The following VIT variants were observed in gnomAD, a reference collection of about 807,000 sequenced individuals.
VIT encodes the protein vitrin.
In VIT, 99 loss-of-function variants were observed where a neutral mutation model predicts 78.0. The observed-to-expected ratio is 1.27, with a 90% CI of 1.08 to 1.50. VIT has a LOEUF of 1.50. Ranked by LOEUF, VIT falls within the 40% of genes most tolerant of loss-of-function variation. VIT has a pLI of 0.00. For missense variants in VIT, 1,126 were observed against 875.3 expected, an observed-to-expected ratio of 1.29 and a Z score of -3.61; for synonymous variants, 374 against 334.3, an observed-to-expected ratio of 1.12 and a Z score of -1.29.
chr2:36,774,880 G>T, intron 8 of VIT, 122 bp from the exon 9 acceptor site: 1 of 1,504,068 alleles, frequency 6.6e-7, no homozygotes, highest in Non-Finnish European at 8.9e-7. Context: ...ACCAGGCACA[G>T]AGAGCTCGGC....
At chr2:36,774,338 G>C (rs1165221661) in intron 8 of VIT, among the ~76,000 whole-genome samples, 2 of 152,132 alleles carry the variant, frequency 1.3e-5, no homozygotes, top group East Asian at 3.8e-4. Flanking sequence ...GTATGGTTTG[G>C]CCGAAGAACT....
Position 36,696,951 on chromosome 2 carries a change from A to C in VIT, c.-41A>C, listed in dbSNP as rs1664717865. ...CTGTGTGGTGAAAATTTTTTGAAAAAAAAATTGCCTTCTTCAAACAAGGTA... is the reference window on the plus strand; with the variant it reads ...CTGTGTGGTGAAAATTTTTTGAAAACAAAATTGCCTTCTTCAAACAAGGTA... On this transcript the variant is annotated 5_prime_UTR_variant, in exon 1 of 16. Transcript: ENST00000379242. The C allele has an allele frequency of 6.6e-6, 1 of 152,188 alleles. No individual in the cohort carries two copies. The highest frequency in any genetic ancestry group is 2.4e-5 in the African/African-American group (1 of 41,436). 9.4% of individuals were successfully genotyped at this position (152,188 alleles called of 1,614,324 possible). A position where few individuals can be genotyped will look rare whatever the true frequency, so the allele number is the denominator to read the frequency against.
At chr2:36,774,458 C>A (rs1462536737) in intron 8 of VIT, 1 of 977,962 alleles carries the variant, frequency 1.0e-6, no homozygotes, top group Middle Eastern at 5.3e-4. Flanking sequence ...ACAGCCCGGT[C>A]TATGAGCTGA....
Position 36,755,032 on chromosome 2 carries a change from G to A in VIT, c.387G>A (p.Trp129Ter), listed in dbSNP as rs1420028148. 2 of 1,614,018 alleles carry A rather than the reference G, an allele frequency of 1.2e-6. No individual in the cohort carries two copies. The highest frequency in any genetic ancestry group is 2.7e-5 in the African/African-American group (2 of 74,926). Reference sequence around the variant, plus strand: ...TCCAATCGTTATCCCTACCACGATGGAGAGAATCCTTTATCGTCTTAGGTA... The same window carrying A: ...TCCAATCGTTATCCCTACCACGATGAAGAGAATCCTTTATCGTCTTAGGTA... ...NGVQSLSLPR[W>*]RESFIVLESK... The change falls in exon 5 of 16, where the codon TGG (tryptophan) becomes TGA (stop). Residue 129 changes from tryptophan (W) to a stop codon, truncating the protein, a stop_gained. Transcript: ENST00000379242. LOFTEE classifies it high-confidence loss of function.
In VIT at chr2:36,728,827, AAAG is replaced by A. The variant is rs1193469677; in HGVS notation, c.53-596_53-594del. ...GACTCCGTCTCAAAAAAAAAAAAAA[AAAG>A]AAAAAAGAAAAAATATTTTTTATAA... On this transcript the variant is annotated intron_variant, in intron 2 of 15. Transcript: ENST00000379242. Among the ~76,000 whole-genome samples, 2 of 23,036 alleles carry A rather than the reference AAAG, an allele frequency of 8.7e-5. 1 individual carries two copies. The highest frequency in any genetic ancestry group is 2.7e-4 in the Non-Finnish European group (2 of 7,326). The allele number at this position is 23,036 out of a possible 152,430, so 15.1% of individuals were successfully genotyped here. A position where few individuals can be genotyped will look rare whatever the true frequency, so the allele number is the denominator to read the frequency against.
intron 7 of VIT, among the ~76,000 whole-genome samples, chr2:36,771,820 A>G (rs1669777831): frequency 6.6e-6 from 1 of 152,214 alleles, no homozygotes; most frequent in Non-Finnish European, 1.5e-5. Flanking sequence ...CTATACAGGT[A>G]GTAAAATGTT....
intron 12 of VIT, among the ~76,000 whole-genome samples, chr2:36,788,994 C>T (rs1341551271): frequency 6.6e-6 from 1 of 152,180 alleles, no homozygotes; most frequent in Non-Finnish European, 1.5e-5. Flanking sequence ...TCGCCATTCA[C>T]AAGCAAGAGT....
intron 3 of VIT, among the ~76,000 whole-genome samples, chr2:36,736,947 T>G (rs948853176): frequency 6.6e-6 from 1 of 152,212 alleles, no homozygotes; most frequent in Admixed American, 6.5e-5. Flanking sequence ...CGTATTACTC[T>G]AAGAGCTTTT....
intron 4 of VIT, among the ~76,000 whole-genome samples, chr2:36,751,600 C>T (rs181162370): frequency 6.6e-6 from 1 of 152,090 alleles, no homozygotes; most frequent in East Asian, 1.9e-4. Context: ...AAGGAGGCGC[C>T]CTGTGGAGAA....
At chr2:36,770,890 G>T (rs897906889) in intron 7 of VIT, among the ~76,000 whole-genome samples, 1 of 152,178 alleles carries the variant, frequency 6.6e-6, no homozygotes, top group African/African-American at 2.4e-5. Flanking sequence ...GAAGAGCGCC[G>T]CCTAGTGGCA....
chr2:36,783,483 C>A, intron 11 of VIT, 81 bp downstream of exon 11: 1 of 1,367,146 alleles, frequency 7.3e-7, no homozygotes, highest in South Asian at 1.2e-5. Context: ...CACTCCCACT[C>A]AAACCTGCCT....
intron 12 of VIT, among the ~76,000 whole-genome samples, chr2:36,792,911 A>T (rs890634044): frequency 2.6e-5 from 4 of 151,742 alleles, no homozygotes; most frequent in Non-Finnish European, 5.9e-5. Context: ...GCTGATTTTT[A>T]TTATTATTAT....
intron 5 of VIT, among the ~76,000 whole-genome samples, chr2:36,755,627 A>C (rs1056056813): frequency 2.0e-5 from 3 of 152,150 alleles, no homozygotes; most frequent in African/African-American, 7.2e-5. Context: ...CTTGTTCCCC[A>C]ACAAATTTCA....
chr2:36,809,121 G>T, intron 15 of VIT, 136 bp downstream of exon 15: 1 of 1,237,638 alleles, frequency 8.1e-7, no homozygotes, highest in Admixed American at 2.9e-5. Context: ...AAGCCGCAGG[G>T]AGGGCATTAG....
At chr2:36,717,031 C>G (rs1270606228) in intron 2 of VIT, among the ~76,000 whole-genome samples, 2 of 151,816 alleles carry the variant, frequency 1.3e-5, no homozygotes, top group Admixed American at 6.6e-5. Context: ...TGCACGCCAC[C>G]ATGCCTGGTT....
chr2:36,814,451 C>G lies in VIT; in HGVS notation c.*90C>G. ...GCTTAATGGGGCACGCACGGTGCATCAAGTCTTGGGCAGGGCATGGAGAAA... is the reference window on the plus strand; with the variant it reads ...GCTTAATGGGGCACGCACGGTGCATGAAGTCTTGGGCAGGGCATGGAGAAA... On this transcript the variant is annotated 3_prime_UTR_variant, in exon 16 of 16. Transcript: ENST00000379242. The G allele has an allele frequency of 1.4e-6, 2 of 1,468,022 alleles. No homozygotes were observed. Among genetic ancestry groups the G allele is most frequent in the East Asian group, 4.6e-5 (2 of 43,364 alleles). The allele number at this position is 1,468,022 out of a possible 1,614,324, so 90.9% of individuals were successfully genotyped here. A position where few individuals can be genotyped will look rare whatever the true frequency, so the allele number is the denominator to read the frequency against.
Position 36,703,918 on chromosome 2 carries a change from TGTTTG to T in VIT, c.-19+6946_-19+6950del, listed in dbSNP as rs1558499549. Among the ~76,000 whole-genome samples, 178 of 89,638 alleles carry T rather than the reference TGTTTG, an allele frequency of 2.0e-3. 18 individuals are homozygous for T. Among genetic ancestry groups the T allele is most frequent in the South Asian group, 4.5e-3 (15 of 3,364 alleles). 58.8% of individuals were successfully genotyped at this position (89,638 alleles called of 152,430 possible). On this transcript the variant is annotated intron_variant, in intron 1 of 15. Coordinates refer to ENST00000379242, the MANE Select transcript of VIT (RefSeq NM_053276.4). ...TGTTTGTTTGTTTGGGGTTTTTTTT[TGTTTG>T]TTTTTTGTTTTTGTTTTTTTTTTTT... is the stretch of plus-strand genomic sequence containing the variant.
chr2:36,756,657 C>T (rs1668784788), intron 5 of VIT, among the ~76,000 whole-genome samples: 1 of 152,204 alleles, frequency 6.6e-6, no homozygotes, highest in Non-Finnish European at 1.5e-5. Context: ...AGACTGGTTT[C>T]TTTGTCAGAT....
At chr2:36,714,534 CT>C (rs1666005670) in intron 1 of VIT, among the ~76,000 whole-genome samples, 1 of 152,042 alleles carries the variant, frequency 6.6e-6, no homozygotes, top group Admixed American at 6.6e-5. Flanking sequence ...AACCATGGCA[CT>C]GGAGGGAGGG....
Sources: allele counts gnomAD v4.1 joint callset (sites outside exome capture counted in the v4.1 genomes callset), GRCh38; gene constraint gnomAD v4.1.1; transcripts MANE v1.5; gene names NCBI Gene and HGNC (gene_info 2026-07-23, HGNC 2026-07-21).